The following NRXN1 variants were observed in gnomAD, a reference collection of about 807,000 sequenced individuals.
NRXN1 encodes neurexin 1.
In NRXN1, 39 loss-of-function variants were observed where a neutral mutation model predicts 150.9. The observed-to-expected ratio is 0.26, with a 90% CI of 0.20 to 0.34. NRXN1 has a LOEUF of 0.34. Ranked by LOEUF, NRXN1 falls within the 10% of genes least tolerant of loss-of-function variation. The probability of loss-of-function intolerance (pLI) is 1.00; values close to 1 mark genes in which losing one functional copy is unlikely to be tolerated. For missense variants in NRXN1, 1,815 were observed against 1,949.9 expected (o/e 0.93, Z 1.30); for synonymous variants, 924 against 757.0 (o/e 1.22, Z -3.62).
chr2:50,317,176 G>C (rs1248640025), intron 17 of NRXN1, among the ~76,000 whole-genome samples: 2 of 151,922 alleles, frequency 1.3e-5, no homozygotes, highest in Non-Finnish European at 2.9e-5. Flanking sequence ...TGTAATCACT[G>C]TTCCAGAAGG....
chr2:50,806,452 C>T (rs1417520327), intron 5 of NRXN1, among the ~76,000 whole-genome samples: 4 of 151,882 alleles, frequency 2.6e-5, no homozygotes, highest in Non-Finnish European at 5.9e-5. Flanking sequence ...ATTCATTTGT[C>T]GTATTGTTAT....
chr2:50,760,551 G>A (rs186538938), intron 5 of NRXN1, among the ~76,000 whole-genome samples: 10 of 151,652 alleles, frequency 6.6e-5, no homozygotes, highest in East Asian at 2.0e-4. Flanking sequence ...TCTCAATATC[G>A]CCTTTTCTAC....
chr2:50,487,832 G>T (rs561894893), intron 15 of NRXN1, among the ~76,000 whole-genome samples: 27 of 152,156 alleles, frequency 1.8e-4, no homozygotes, highest in African/African-American at 6.3e-4. Context: ...AGATCTAGAT[G>T]AGTCTGGTTA....
chr2:50,920,582 G>T (rs1269306256), intron 5 of NRXN1, among the ~76,000 whole-genome samples: 1 of 151,574 alleles, frequency 6.6e-6, no homozygotes, highest in Non-Finnish European at 1.5e-5. Flanking sequence ...TTCCCTCTAT[G>T]CCATCCCTAA....
intron 21 of NRXN1, among the ~76,000 whole-genome samples, chr2:50,049,859 C>A (rs757190761): frequency 1.3e-5 from 2 of 152,052 alleles, no homozygotes; most frequent in Non-Finnish European, 2.9e-5. Context: ...GAACTTTATA[C>A]CACCAATAGT....
At chr2:50,175,188 C>T (rs2060277263) in intron 18 of NRXN1, 1 of 152,164 alleles carries the variant, frequency 6.6e-6, no homozygotes. Flanking sequence ...CAAGGCCATC[C>T]AACAGGCCAT....
intron 21 of NRXN1, among the ~76,000 whole-genome samples, chr2:50,049,998 T>C (rs1424393285): frequency 6.6e-6 from 1 of 152,060 alleles, no homozygotes; most frequent in East Asian, 1.9e-4. Context: ...AAATTTTATG[T>C]AATCCACATA....
In NRXN1 at chr2:50,620,575, T is replaced by G. The variant is rs1679829234; in HGVS notation, c.1159-392A>C. On this transcript the variant is annotated intron_variant, in intron 7 of 22. Transcript: ENST00000401669. Reference sequence around the variant, plus strand: ...GGTTTAGTTGTCTGTTATTAACTAATCACAACGTGCACCTTGTTAACATAA... The same window carrying G: ...GGTTTAGTTGTCTGTTATTAACTAAGCACAACGTGCACCTTGTTAACATAA... Among the ~76,000 whole-genome samples, 3 of 152,290 alleles carry G rather than the reference T, an allele frequency of 2.0e-5. No homozygotes were observed. The South Asian group carries it at 6.2e-4, about 32-fold the overall frequency.
At chr2:50,656,600 C>T (rs983598951) in intron 5 of NRXN1, among the ~76,000 whole-genome samples, 1 of 151,928 alleles carries the variant, frequency 6.6e-6, no homozygotes, top group Non-Finnish European at 1.5e-5. Context: ...CTCTTCTTGG[C>T]TATTCATTCC....
At chr2:50,879,994 T>C (rs1309305463) in intron 5 of NRXN1, among the ~76,000 whole-genome samples, 1 of 151,898 alleles carries the variant, frequency 6.6e-6, no homozygotes, top group East Asian at 2.0e-4. Context: ...TAAAGATGCC[T>C]CTTTTCCCAG....
chr2:50,591,125 G>A (rs1311000615), intron 8 of NRXN1, among the ~76,000 whole-genome samples: 1 of 152,096 alleles, frequency 6.6e-6, no homozygotes, highest in Non-Finnish European at 1.5e-5. Context: ...AAACCAGTGG[G>A]GAGATGAAAT....
chr2:50,722,590 G>A (rs1203084225), intron 5 of NRXN1, among the ~76,000 whole-genome samples: 5 of 152,056 alleles, frequency 3.3e-5, no homozygotes, highest in Admixed American at 2.6e-4. Flanking sequence ...GAACACTTTA[G>A]CAAATGTTAA....
chr2:50,371,022 T>C (rs2079982889), intron 17 of NRXN1, among the ~76,000 whole-genome samples: 1 of 151,998 alleles, frequency 6.6e-6, no homozygotes, highest in Non-Finnish European at 1.5e-5. Flanking sequence ...TCAAAGGAAA[T>C]CATTTCCATG....
intron 5 of NRXN1, among the ~76,000 whole-genome samples, chr2:50,843,305 A>G (rs763110327): frequency 1.3e-5 from 2 of 152,192 alleles, no homozygotes; most frequent in Non-Finnish European, 2.9e-5. Context: ...TGAAAATCTC[A>G]AGAATTTAAA....
intron 9 of NRXN1, among the ~76,000 whole-genome samples, chr2:50,545,285 A>T (rs2093470088): frequency 6.6e-6 from 1 of 152,228 alleles, no homozygotes. Context: ...ATAGACACAT[A>T]TACATTTTAA....
chr2:50,549,520 T>C (rs1323567066), intron 9 of NRXN1, among the ~76,000 whole-genome samples: 3 of 152,180 alleles, frequency 2.0e-5, no homozygotes, highest in Non-Finnish European at 4.4e-5. Context: ...AATCTGATCT[T>C]TCCACTGGAT....
chr2:50,408,836 A>ACTCTCTCTCTCTCTCTCTCT (rs1572862265), intron 17 of NRXN1, among the ~76,000 whole-genome samples: 5 of 57,176 alleles, frequency 8.7e-5, no homozygotes, highest in South Asian at 7.5e-4. Context: ...AATCAATCTC[A>ACTCTCTCTCTCTCTCTCTCT]ATCTCTCTCT....
rs549148880 is a variant in NRXN1, at chr2:50,709,185, G to C, written c.833-85570C>G. On this transcript the variant is annotated intron_variant, in intron 5 of 22. Transcript: ENST00000401669. ...TTGTTGAGGAATGAGCTTGGTATTG[G>C]TGGATGGCACGTGATATTTGCACAC... is the stretch of plus-strand genomic sequence containing the variant. Among the ~76,000 whole-genome samples, 173 of 152,218 alleles carry C rather than the reference G, an allele frequency of 1.1e-3. 1 individual carries two copies. The highest frequency in any genetic ancestry group is 4.0e-3 in the African/African-American group (166 of 41,544).
chr2:50,160,923 C>T (rs1318619111), intron 18 of NRXN1, among the ~76,000 whole-genome samples: 1 of 151,952 alleles, frequency 6.6e-6, no homozygotes, highest in Admixed American at 6.6e-5. Context: ...GGAATAGTAG[C>T]ATCCTATGAA....
Sources: allele counts gnomAD v4.1 joint callset (sites outside exome capture counted in the v4.1 genomes callset), GRCh38; gene constraint gnomAD v4.1.1; transcripts MANE v1.5; gene names NCBI Gene and HGNC (gene_info 2026-07-23, HGNC 2026-07-21).